The following DPYD variants were observed in gnomAD, a reference collection of about 807,000 sequenced individuals.
DPYD encodes the protein dihydropyrimidine dehydrogenase, also known as dihydropyrimidine dehydrogenase [NADP(+)].
A neutral mutation model predicts 116.2 loss-of-function variants in DPYD; 109 were observed. The observed-to-expected ratio is 0.94, with a 90% confidence interval of 0.80 to 1.10. The LOEUF (loss-of-function observed/expected upper bound fraction) is 1.10, where lower values mean the gene tolerates loss of function less well. DPYD is among the 50% of genes least tolerant of loss of function. DPYD has a pLI of 0.00. For missense variants in DPYD, 1,302 were observed against 1,254.5 expected, an observed-to-expected ratio of 1.04 and a Z score of -0.57; for synonymous variants, 440 against 432.0, an observed-to-expected ratio of 1.02 and a Z score of -0.23.
chr1:97,920,209 A>C (rs1674438529), intron 1 of DPYD, among the ~76,000 whole-genome samples: 1 of 152,136 alleles, frequency 6.6e-6, no homozygotes, highest in African/African-American at 2.4e-5. Context: ...TTCAGGTAGG[A>C]CCTTATTTAC....
At chr1:97,302,169 C>T (rs1053238766) in intron 18 of DPYD, among the ~76,000 whole-genome samples, 1 of 151,762 alleles carries the variant, frequency 6.6e-6, no homozygotes, top group African/African-American at 2.4e-5. Flanking sequence ...AAGGAAAGGT[C>T]GTAACAACTT....
intron 20 of DPYD, among the ~76,000 whole-genome samples, chr1:97,122,906 CTT>C: frequency 6.6e-6 from 1 of 152,092 alleles, no homozygotes; most frequent in South Asian, 2.1e-4. Context: ...TTTCTTGACT[CTT>C]TTATGCAATT....
chr1:97,124,504 T>C (rs1323811885), intron 20 of DPYD, among the ~76,000 whole-genome samples: 2 of 152,086 alleles, frequency 1.3e-5, no homozygotes, highest in Non-Finnish European at 2.9e-5. Flanking sequence ...ACAGGTTCAG[T>C]AGGTCAGTGT....
At chr1:97,440,605 G>T (rs900745371) in intron 14 of DPYD, among the ~76,000 whole-genome samples, 2 of 152,128 alleles carry the variant, frequency 1.3e-5, no homozygotes, top group Non-Finnish European at 2.9e-5. Context: ...ATTTACAAAA[G>T]GTGTTAGAAC....
At chr1:97,634,323 C>A (rs1657440432) in intron 8 of DPYD, among the ~76,000 whole-genome samples, 1 of 152,000 alleles carries the variant, frequency 6.6e-6, no homozygotes, top group Non-Finnish European at 1.5e-5. Context: ...ATCATGAATT[C>A]ACAGAATTTA....
Position 97,252,580 on chromosome 1 carries a change from A to G in DPYD, c.2300-17586T>C, listed in dbSNP as rs572449823. On this transcript the variant is annotated intron_variant, in intron 18 of 22. Transcript: ENST00000370192. The stretch of plus-strand genomic sequence containing the variant: ...CATCACAGATATGTTAAATCTAGTT[A>G]CAGAGGCAGAGCTAGAGCATGGTTT... Among the ~76,000 whole-genome samples, 8 of 152,290 alleles carry G rather than the reference A, an allele frequency of 5.3e-5. No individual in the cohort carries two copies. In the East Asian group the frequency reaches 1.5e-3, roughly 29 times the overall value.
chr1:97,620,702 T>C (rs1656582313), intron 8 of DPYD, among the ~76,000 whole-genome samples: 1 of 152,162 alleles, frequency 6.6e-6, no homozygotes, highest in South Asian at 2.1e-4. Flanking sequence ...ATAAATTCTA[T>C]TCGTATATGC....
At position 97,823,213 on chromosome 1, in the gene DPYD, G is replaced by A. The variant is rs970174227; in HGVS notation, c.233+4901C>T. Among the ~76,000 whole-genome samples, 7 of 152,112 alleles carry A rather than the reference G, an allele frequency of 4.6e-5. No individual in the cohort carries two copies. In the East Asian group the frequency reaches 1.4e-3, roughly 29 times the overall value. On this transcript the variant is annotated intron_variant, in intron 3 of 22. Coordinates refer to ENST00000370192, the MANE Select transcript of DPYD (RefSeq NM_000110.4). ...TCTGTCACCCAGGCTGAAGGGCAGT[G>A]GCGTGATCTCTGCTGACTTCAAGCT...
chr1:97,508,450 G>T (rs557200058), intron 13 of DPYD, among the ~76,000 whole-genome samples: 1 of 152,100 alleles, frequency 6.6e-6, no homozygotes, highest in African/African-American at 2.4e-5. Flanking sequence ...CAGATTCACA[G>T]AAGCTGTTAA....
chr1:97,888,726 A>G (rs2101654769), intron 1 of DPYD, among the ~76,000 whole-genome samples: 1 of 152,236 alleles, frequency 6.6e-6, no homozygotes, highest in African/African-American at 2.4e-5. Context: ...GGGATAAGAC[A>G]TACAAAGTAT....
intron 8 of DPYD, among the ~76,000 whole-genome samples, chr1:97,645,195 A>G (rs1658184215): frequency 6.6e-6 from 1 of 152,096 alleles, no homozygotes; most frequent in East Asian, 1.9e-4. Context: ...AAGCTTTTAG[A>G]CACATTGTTT....
At chr1:97,281,686 T>C (rs949067999) in intron 18 of DPYD, among the ~76,000 whole-genome samples, 3 of 151,956 alleles carry the variant, frequency 2.0e-5, no homozygotes, top group Non-Finnish European at 2.9e-5. Context: ...AATAAGTAAA[T>C]ATACTAAGGG....
At chr1:97,747,584 C>T (rs995852642) in intron 3 of DPYD, among the ~76,000 whole-genome samples, 16 of 152,080 alleles carry the variant, frequency 1.1e-4, no homozygotes, top group Non-Finnish European at 1.6e-4. Context: ...GGACAGGATG[C>T]TTTATAGAAT....
chr1:97,415,293 T>C (rs1674230291), intron 14 of DPYD, among the ~76,000 whole-genome samples: 1 of 152,174 alleles, frequency 6.6e-6, no homozygotes, highest in South Asian at 2.1e-4. Flanking sequence ...CAGGATCTTT[T>C]TCACAATCTC....
intron 19 of DPYD, among the ~76,000 whole-genome samples, chr1:97,201,846 C>T (rs1659229019): frequency 6.6e-6 from 1 of 151,430 alleles, no homozygotes; most frequent in Admixed American, 6.6e-5. Context: ...TGTGGCAGTG[C>T]ATTGATTTAA....
At chr1:97,826,837 T>G (rs1386432757) in intron 3 of DPYD, among the ~76,000 whole-genome samples, 2 of 152,120 alleles carry the variant, frequency 1.3e-5, no homozygotes, top group Non-Finnish European at 2.9e-5. Context: ...TTCCCTCTTT[T>G]TTTTATTAGT....
At chr1:97,715,887 A>G (rs1037473173) in intron 5 of DPYD, among the ~76,000 whole-genome samples, 3 of 152,234 alleles carry the variant, frequency 2.0e-5, no homozygotes, top group South Asian at 2.1e-4. Flanking sequence ...TCATTAGAAT[A>G]CATATGTCTA....
Position 97,788,534 on chromosome 1 carries a change from C to T in DPYD, c.233+39580G>A, listed in dbSNP as rs60121289. Among the ~76,000 whole-genome samples, 958 of 152,264 alleles carry T rather than the reference C, an allele frequency of 6.3e-3. 9 individuals are homozygous for T. Among genetic ancestry groups the T allele is most frequent in the African/African-American group, 0.022 (915 of 41,546 alleles). ...GAGCTCAAGCAAGACCAACGAACTA[C>T]CCACTGAGTCCAGCCAATTGACACA... is the stretch of plus-strand genomic sequence containing the variant. On this transcript the variant is annotated intron_variant, in intron 3 of 22. Transcript: ENST00000370192.
chr1:97,206,289 T>C (rs141171724), intron 19 of DPYD, among the ~76,000 whole-genome samples: 2 of 152,214 alleles, frequency 1.3e-5, no homozygotes, highest in East Asian at 3.9e-4. Context: ...CTTATTTCTT[T>C]ATGCTTTACC....
Sources: allele counts gnomAD v4.1 joint callset (sites outside exome capture counted in the v4.1 genomes callset), GRCh38; gene constraint gnomAD v4.1.1; transcripts MANE v1.5; gene names NCBI Gene and HGNC (gene_info 2026-07-23, HGNC 2026-07-21).